The following BUB1B variants were observed in gnomAD, a reference collection of about 807,000 sequenced individuals.
The protein encoded by BUB1B is mitotic checkpoint serine/threonine-protein kinase BUB1 beta.
A neutral mutation model predicts 137.7 loss-of-function variants in BUB1B; 86 were observed. The observed-to-expected ratio is 0.62, with a 90% CI of 0.52 to 0.75. The LOEUF (loss-of-function observed/expected upper bound fraction) is 0.75. BUB1B is among the 30% of genes least tolerant of loss of function. The probability of loss-of-function intolerance (pLI) is 0.00; values close to 1 mark genes in which losing one functional copy is unlikely to be tolerated. For synonymous variants in BUB1B, 420 were observed against 417.9 expected, an observed-to-expected ratio of 1.00 and a Z score of -0.06; for missense variants, 1,130 against 1,236.9, an observed-to-expected ratio of 0.91 and a Z score of 1.30.
intron 9 of BUB1B, among the ~76,000 whole-genome samples, chr15:40,198,531 C>T (rs991818493): frequency 2.5e-4 from 38 of 152,206 alleles, no homozygotes; most frequent in African/African-American, 8.9e-4. Context: ...TTGCCAACTA[C>T]TTACTCTCAG....
intron 8 of BUB1B, among the ~76,000 whole-genome samples, chr15:40,188,276 C>G (rs2037393146): frequency 6.6e-6 from 1 of 152,048 alleles, no homozygotes; most frequent in South Asian, 2.1e-4. Context: ...TCGAACTGAC[C>G]TCGTGATCTG....
rs2037345186 is a variant in BUB1B at position 40,185,258 on chromosome 15, C to A, written c.845C>A (p.Ala282Asp). 6.2e-7 allele frequency: 1 copy of A among 1,614,106 alleles called. No homozygotes were observed. The highest frequency in any genetic ancestry group is 8.5e-7 in the Non-Finnish European group (1 of 1,179,998). ...ITVFDENADE[A>D]STAELSKPTV... is the part of the protein sequence containing the mutation. ...GTTTTTGATGAAAATGCTGATGAGG[C>A]TTCTACAGCAGAGTTGTCTAAGCCT... The change falls in exon 7 of 23, where the codon GCT (alanine) becomes GAT (aspartate). Residue 282 changes from alanine to aspartate, a missense_variant. Physicochemically the swap from Ala to Asp is moderately radical, Grantham distance 126. Coordinates refer to ENST00000287598, the MANE Select transcript of BUB1B (RefSeq NM_001211.6).
chr15:40,216,330 C>T lies in BUB1B; in HGVS notation c.2679-1166C>T, dbSNP rs541037312. ...GCACACACCAGTAGTCCCAGCTACT[C>T]GGGAGGCTGAGATGGGAGGATCGCT... On this transcript the variant is annotated intron_variant, in intron 20 of 22. Coordinates refer to ENST00000287598, the MANE Select transcript of BUB1B (RefSeq NM_001211.6). Among the ~76,000 whole-genome samples, 257 of 151,770 alleles carry T rather than the reference C, an allele frequency of 1.7e-3. 3 individuals carry two copies. Among genetic ancestry groups the T allele is most frequent in the East Asian group, 9.7e-4 (5 of 5,160 alleles).
intron 4 of BUB1B, among the ~76,000 whole-genome samples, chr15:40,174,918 C>T (rs573034398): frequency 5.9e-5 from 9 of 152,226 alleles, no homozygotes; most frequent in East Asian, 5.8e-4. Context: ...GAGGCGAGAT[C>T]GCGCCGCTGC....
chr15:40,170,737 C>T (rs1048875918), intron 4 of BUB1B, 56 bp downstream of exon 4: 11 of 1,572,470 alleles, frequency 7.0e-6, no homozygotes, highest in Non-Finnish European at 9.6e-6. Context: ...GAGATTTTCT[C>T]TAGAGGTATC....
chr15:40,215,477 A>C (rs1313436708), intron 20 of BUB1B, among the ~76,000 whole-genome samples: 4 of 152,094 alleles, frequency 2.6e-5, no homozygotes, highest in Non-Finnish European at 5.9e-5. Context: ...TGTCTCAAAA[A>C]AAAAGCCAGA....
chr15:40,185,041 C>CTTTTTTTTTTT, intron 6 of BUB1B, 124 bp from the exon 7 acceptor site: 1 of 599,128 alleles, frequency 1.7e-6, no homozygotes, highest in African/African-American at 2.0e-5. Context: ...TTTAAAATTT[C>CTTTTTTTTTTT]TTTTTTTTTT....
chr15:40,168,155 G>T (rs1222317685), intron 2 of BUB1B, among the ~76,000 whole-genome samples: 1 of 151,934 alleles, frequency 6.6e-6, no homozygotes, highest in African/African-American at 2.4e-5. Flanking sequence ...ATCACCTGAG[G>T]TGAGGAGTTT....
intron 20 of BUB1B, 128 bp downstream of exon 20, chr15:40,213,602 C>G: frequency 1.0e-6 from 1 of 993,762 alleles, no homozygotes; most frequent in South Asian, 1.3e-5. Context: ...GTGGCATGAT[C>G]TTGGCTCACT....
At chr15:40,161,537 T>C (rs1189990925) in intron 1 of BUB1B, among the ~76,000 whole-genome samples, 2 of 152,236 alleles carry the variant, frequency 1.3e-5, no homozygotes, top group Non-Finnish European at 2.9e-5. Context: ...TGTTTGTAAC[T>C]CAGCTCAGCC....
rs546602675 is a variant in BUB1B, at chr15:40,211,839, C to T, written c.2386-660C>T. Among the ~76,000 whole-genome samples, 204 of 148,566 alleles carry T rather than the reference C, an allele frequency of 1.4e-3. 1 individual carries two copies. Among genetic ancestry groups the T allele is most frequent in the African/African-American group, 4.9e-3 (200 of 40,506 alleles). ...CTGTTTTTTTGTTTTTTTTTTTCTT[C>T]GAGACGGAGTTTTGCTCTTGTCACC... is the stretch of plus-strand genomic sequence containing the variant. On this transcript the variant is annotated intron_variant, in intron 18 of 22. Coordinates refer to ENST00000287598, the MANE Select transcript of BUB1B (RefSeq NM_001211.6).
At chr15:40,208,295 T>C (rs977660425) in intron 15 of BUB1B, among the ~76,000 whole-genome samples, 1 of 152,188 alleles carries the variant, frequency 6.6e-6, no homozygotes, top group Non-Finnish European at 1.5e-5. Context: ...CCCAGCACTT[T>C]AGGAGGCTGA....
chr15:40,166,231 TCAC>T (rs1388139459), intron 2 of BUB1B: 2 of 338,382 alleles, frequency 5.9e-6, no homozygotes, highest in Admixed American at 4.3e-5. Context: ...ATTTATTTAT[TCAC>T]CAATTGATGA....
intron 15 of BUB1B, among the ~76,000 whole-genome samples, chr15:40,207,062 G>A (rs540143374): frequency 2.8e-4 from 42 of 152,042 alleles, no homozygotes; most frequent in South Asian, 1.0e-3. Flanking sequence ...CACCCGCCTC[G>A]GCCTCTCAAA....
intron 9 of BUB1B, among the ~76,000 whole-genome samples, chr15:40,198,243 T>TTTTTTTTGTTTTTG (rs1328177981): frequency 1.3e-5 from 2 of 151,678 alleles, no homozygotes; most frequent in Admixed American, 6.6e-5. Context: ...TATTGTGTTT[T>TTTTTTTTGTTTTTG]TTTTTTTTTT....
intron 2 of BUB1B, among the ~76,000 whole-genome samples, chr15:40,169,581 G>A (rs972347222): frequency 7.9e-6 from 1 of 125,880 alleles, no homozygotes; most frequent in Admixed American, 7.7e-5. Context: ...CTCTTCTTAT[G>A]TTAAGTAGAA....
intron 4 of BUB1B, among the ~76,000 whole-genome samples, chr15:40,175,202 G>C (rs957423389): frequency 1.3e-5 from 2 of 152,126 alleles, no homozygotes; most frequent in Non-Finnish European, 2.9e-5. Context: ...ATTTTTTATA[G>C]AATTATTTAT....
chr15:40,170,926 T>C (rs1209833006), intron 4 of BUB1B, among the ~76,000 whole-genome samples: 1 of 151,922 alleles, frequency 6.6e-6, no homozygotes, highest in Non-Finnish European at 1.5e-5. Context: ...TCTCAGTGAG[T>C]ATGGATTAAT....
intron 16 of BUB1B, 106 bp from the exon 17 acceptor site, chr15:40,209,529 G>A: frequency 7.5e-7 from 1 of 1,335,120 alleles, no homozygotes; most frequent in Non-Finnish European, 1.1e-6. Context: ...TAACAGTGCT[G>A]ACTGTGTAAT....
Sources: gnomAD v4.1 joint callset for allele counts (sites outside exome capture counted in the v4.1 genomes callset) on GRCh38, gnomAD v4.1.1 for gene constraint, MANE v1.5 for transcripts, NCBI Gene and HGNC (gene_info 2026-07-23, HGNC 2026-07-21) for gene names.